EMP2: variants seen among roughly 807,000 people sequenced by gnomAD.
EMP2 encodes epithelial membrane protein 2.
In EMP2, 19 loss-of-function variants were observed where a neutral mutation model predicts 13.7. That is an observed-to-expected ratio of 1.38 (90% CI 0.97 to 2.03). The LOEUF (loss-of-function observed/expected upper bound fraction) is 2.03, where lower values mean the gene tolerates loss of function less well. Among genes scored for constraint, EMP2 ranks in the 30% most tolerant of loss-of-function variants. The pLI is 0.00. For missense variants in EMP2, 253 were observed against 220.7 expected (o/e 1.15, Z -0.93); for synonymous variants, 97 against 84.7 (o/e 1.15, Z -0.80).
chr16:10,538,001 G>A lies in EMP2; in HGVS notation c.243C>T (p.Ile81=), dbSNP rs777566858. The part of the protein sequence containing the change: ...STILCCIAFF[I]FVLQLFRLKQ... ...TCAGGCGGAAGAGCTGGAGCACGAA[G>A]ATGAAGAAGGCGATGCAGCAGAGAA... is the stretch of plus-strand genomic sequence containing the variant. Residue 81 remains isoleucine, a synonymous_variant, in exon 4 of 5, where the codon ATC becomes ATT. Coordinates refer to ENST00000359543, the MANE Select transcript of EMP2 (RefSeq NM_001424.6). 1.4e-5 allele frequency: 23 copies of A among 1,614,034 alleles called. No homozygotes were observed. The highest frequency in any genetic ancestry group is 8.3e-5 in the Admixed American group (5 of 60,006).
chr16:10,547,382 G>C (rs1596373173), intron 2 of EMP2, 158 bp downstream of exon 2: 1 of 775,930 alleles, frequency 1.3e-6, no homozygotes, highest in East Asian at 2.8e-5. Context: ...AGGCCTCCCA[G>C]ACATGTGGAA....
rs368825920 is a variant in EMP2 at position 10,532,205 on chromosome 16, G to T, written c.*700C>A. 1.4e-4 allele frequency: 21 copies of T among 154,716 alleles called. 1 individual carries two copies. The Middle Eastern group carries it at 2.1e-3, about 15-fold the overall frequency. 9.6% of individuals were successfully genotyped at this position (154,716 alleles called of 1,614,324 possible). On this transcript the variant is annotated 3_prime_UTR_variant, in exon 5 of 5. Transcript: ENST00000359543. ...CTGATTCTGTAGGTCTGGGGTGAGG[G>T]GGGGGGCGCTGTAGGTTTTGCCTAA...
Position 10,543,622 on chromosome 16 carries a change from C to G in EMP2, c.117G>C (p.Trp39Cys), listed in dbSNP as rs1427798168. 12 of 1,614,218 alleles carry G rather than the reference C, an allele frequency of 7.4e-6. No individual in the cohort carries two copies. Among genetic ancestry groups the G allele is most frequent in the Non-Finnish European group, 9.3e-6 (11 of 1,180,034 alleles). ...WVGDEFFADV[W>C]RICTNNTNCT... ...AATTCGTGTTGTTGGTACATATTCT[C>G]CAGACATCTGCAAAAAACTCATCTC... is the stretch of plus-strand genomic sequence containing the variant. The change falls in exon 3 of 5, where the codon TGG (tryptophan) becomes TGC (cysteine). Residue 39 changes from tryptophan (W) to cysteine (C), a missense_variant. Transcript: ENST00000359543.
At chr16:10,559,652 T>C (rs2050858045) in intron 1 of EMP2, among the ~76,000 whole-genome samples, 1 of 152,236 alleles carries the variant, frequency 6.6e-6, no homozygotes. Flanking sequence ...CCAACTCTGA[T>C]GAAGGTTTTT....
chr16:10,579,596 G>A (rs1367911892), intron 1 of EMP2, among the ~76,000 whole-genome samples: 1 of 151,934 alleles, frequency 6.6e-6, no homozygotes, highest in South Asian at 2.1e-4. Flanking sequence ...TATAAAATTT[G>A]CCTATTCTAG....
intron 2 of EMP2, chr16:10,544,931 T>C: frequency 6.6e-6 from 1 of 152,240 alleles, no homozygotes; most frequent in Non-Finnish European, 1.5e-5. Context: ...CAGACAAGAT[T>C]CTCCTGTCTT....
intron 4 of EMP2, 149 bp from the exon 5 acceptor site, chr16:10,533,241 T>C: frequency 1.3e-6 from 1 of 784,254 alleles, no homozygotes; most frequent in Non-Finnish European, 1.8e-6. Context: ...TTTTGCCATG[T>C]CACCCAGGCT....
chr16:10,576,556 T>C (rs2050985403), intron 1 of EMP2: 1 of 151,760 alleles, frequency 6.6e-6, no homozygotes, highest in Non-Finnish European at 1.5e-5. Context: ...TGGTGTCAAA[T>C]ATCACCCTGG....
rs773968775 is a variant in EMP2, at chr16:10,547,549, G to A, written c.69C>T (p.Thr23=). ...AGGAAAGGAAACTTACATTGTCGACGGTGGCAATGAACAGCAAGGCTGCAG... is the reference window on the plus strand; with the variant it reads ...AGGAAAGGAAACTTACATTGTCGACAGTGGCAATGAACAGCAAGGCTGCAG... ...ITSAALLFIA[T]VDNAWWVGDE... The change falls in exon 2 of 5, where the codon ACC becomes ACT. Residue 23 remains threonine (T), a synonymous_variant. Transcript: ENST00000359543. The A allele has an allele frequency of 1.8e-5, 29 of 1,613,960 alleles. No individual in the cohort carries two copies. The highest frequency in any genetic ancestry group is 4.5e-5 in the East Asian group (2 of 44,876).
chr16:10,546,381 T>A (rs2050738717), intron 2 of EMP2: 1 of 152,214 alleles, frequency 6.6e-6, no homozygotes, highest in South Asian at 2.1e-4. Context: ...CTGATGTCAC[T>A]CCCTGTTTGG....
chr16:10,546,329 G>T (rs1018105318), intron 2 of EMP2: 1 of 152,234 alleles, frequency 6.6e-6, no homozygotes, highest in African/African-American at 2.4e-5. Flanking sequence ...CAGGATGGAA[G>T]CCAGGTCTTT....
intron 1 of EMP2, among the ~76,000 whole-genome samples, chr16:10,548,141 G>T (rs771580653): frequency 6.6e-6 from 1 of 152,200 alleles, no homozygotes; most frequent in Non-Finnish European, 1.5e-5. Flanking sequence ...CATGAGAGGG[G>T]CTGTCTGCTG....
chr16:10,566,131 G>A (rs766680313), intron 1 of EMP2, among the ~76,000 whole-genome samples: 8 of 152,212 alleles, frequency 5.3e-5, no homozygotes, highest in African/African-American at 1.7e-4. Flanking sequence ...TCTGATTACC[G>A]GACCCTAAGC....
At position 10,533,001 on chromosome 16, in the gene EMP2, T is replaced by C; in HGVS notation, c.408A>G (p.Glu136=). ...KNAKFYPVTR[E]GSYGYSYILA... ...GGATGTAGGAGTAGCCGTAGCTGCC[T>C]TCTCTGGTCACGGGATAGAATTTCG... Residue 136 remains glutamate (E), a synonymous_variant, in exon 5 of 5, where the codon GAA becomes GAG. Coordinates refer to ENST00000359543, the MANE Select transcript of EMP2 (RefSeq NM_001424.6). The C allele has an allele frequency of 6.2e-7, 1 of 1,612,570 alleles. No individual in the cohort carries two copies. The highest frequency in any genetic ancestry group is 1.3e-5 in the African/African-American group (1 of 74,968).
chr16:10,564,014 C>T (rs928025858), intron 1 of EMP2, among the ~76,000 whole-genome samples: 13 of 152,246 alleles, frequency 8.5e-5, no homozygotes, highest in Admixed American at 7.2e-4. Flanking sequence ...TGTACAACAG[C>T]AGCAGAGGGA....
Position 10,547,315 on chromosome 16 carries a change from G to A in EMP2, c.78+225C>T, listed in dbSNP as rs144120177. On this transcript the variant is annotated intron_variant, in intron 2 of 4. Coordinates refer to ENST00000359543, the MANE Select transcript of EMP2 (RefSeq NM_001424.6). The stretch of plus-strand genomic sequence containing the variant: ...TATAAAGGGCAGTTCCCCTGCACAC[G>A]CTCTCTTGCCTGCCACCATGTAAGA... 3.3e-3 allele frequency: 1,648 copies of A among 503,408 alleles called. 28 individuals carry two copies. Among genetic ancestry groups the A allele is most frequent in the African/African-American group, 0.029 (1,477 of 51,618 alleles). The allele number at this position is 503,408 out of a possible 1,614,324, so 31.2% of individuals were successfully genotyped here.
In EMP2 at chr16:10,529,023, A is replaced by G. The variant is rs1012363181; in HGVS notation, c.*3882T>C. 4.6e-5 allele frequency: 7 copies of G among 152,086 alleles called. No homozygotes were observed. The highest frequency in any genetic ancestry group is 1.0e-4 in the Non-Finnish European group (7 of 68,010). 9.4% of individuals were successfully genotyped at this position (152,086 alleles called of 1,614,324 possible). On this transcript the variant is annotated 3_prime_UTR_variant, in exon 5 of 5. Coordinates refer to ENST00000359543, the MANE Select transcript of EMP2 (RefSeq NM_001424.6). Reference sequence around the variant, plus strand: ...CTCCGATGTTCCTGTATTCAGGTATATATATATACACATTCACACAGACCA... The same window carrying G: ...CTCCGATGTTCCTGTATTCAGGTATGTATATATACACATTCACACAGACCA...
chr16:10,567,148 T>C (rs2050911799), intron 1 of EMP2, among the ~76,000 whole-genome samples: 1 of 152,220 alleles, frequency 6.6e-6, no homozygotes, highest in African/African-American at 2.4e-5. Context: ...TGCACTTCTT[T>C]TTTCTGTCTT....
Position 10,575,237 on chromosome 16 carries a change from C to CTTTTTTTTTTTTTTTTTTTTTTTTTTT in EMP2, c.-61+5285_-61+5311dup, listed in dbSNP as rs761837614. ...TGGCCTTGGTCCTGGAGCTTGCATT[C>CTTTTTTTTTTTTTTTTTTTTTTTTTTT]TTTTTTTTTTTTTTTTTTTTTTTTT... On this transcript the variant is annotated intron_variant, in intron 1 of 4. Coordinates refer to ENST00000359543, the MANE Select transcript of EMP2 (RefSeq NM_001424.6). Among the ~76,000 whole-genome samples, 23 of 52,486 alleles carry CTTTTTTTTTTTTTTTTTTTTTTTTTTT rather than the reference C, an allele frequency of 4.4e-4. 5 individuals carry two copies. Among genetic ancestry groups the CTTTTTTTTTTTTTTTTTTTTTTTTTTT allele is most frequent in the Middle Eastern group, 0.037 (2 of 54 alleles). The allele number at this position is 52,486 out of a possible 152,430, so 34.4% of individuals were successfully genotyped here. A position where few individuals can be genotyped will look rare whatever the true frequency, so the allele number is the denominator to read the frequency against.
Sources: gnomAD v4.1 joint callset for allele counts (sites outside exome capture counted in the v4.1 genomes callset) on GRCh38, gnomAD v4.1.1 for gene constraint, MANE v1.5 for transcripts, NCBI Gene and HGNC (gene_info 2026-07-23, HGNC 2026-07-21) for gene names.